SETBP1: variants seen among roughly 807,000 people sequenced by gnomAD.
The protein encoded by SETBP1 is SET-binding protein.
In SETBP1, 9 loss-of-function variants were observed where a neutral mutation model predicts 101.0. The ratio of observed to expected loss-of-function variants is 0.09; its 90% CI spans 0.05 to 0.16. The LOEUF (loss-of-function observed/expected upper bound fraction) is 0.16, where lower values mean the gene tolerates loss of function less well. SETBP1 is among the 10% of genes least tolerant of loss of function. SETBP1 has a pLI of 1.00. For synonymous variants in SETBP1, 818 were observed against 788.5 expected, an observed-to-expected ratio of 1.04 and a Z score of -0.63; for missense variants, 1,858 against 2,033.8, an observed-to-expected ratio of 0.91 and a Z score of 1.66.
intron 3 of SETBP1, among the ~76,000 whole-genome samples, chr18:44,921,014 A>G (rs1211629632): frequency 1.3e-5 from 2 of 152,214 alleles, no homozygotes; most frequent in East Asian, 3.8e-4. Flanking sequence ...TTCAGTCTTT[A>G]TCATTAACTA....
At chr18:44,777,872 A>G (rs1212445605) in intron 2 of SETBP1, among the ~76,000 whole-genome samples, 1 of 152,224 alleles carries the variant, frequency 6.6e-6, no homozygotes, top group Admixed American at 6.5e-5. Flanking sequence ...TGTCTATTGG[A>G]TCAGAATGGC....
intron 2 of SETBP1, among the ~76,000 whole-genome samples, chr18:44,845,113 C>T (rs969902260): frequency 6.6e-6 from 1 of 152,116 alleles, no homozygotes; most frequent in Admixed American, 6.5e-5. Flanking sequence ...CCAGAGTTCT[C>T]TTGCAGTAAT....
rs561861792 is a variant in SETBP1 at position 44,740,677 on chromosome 18, A to G, written c.486+38845A>G. Among the ~76,000 whole-genome samples the G allele has an allele frequency of 2.6e-5, 4 of 152,330 alleles. No individual in the cohort carries two copies. The South Asian group carries it at 6.2e-4, about 24-fold the overall frequency. On this transcript the variant is annotated intron_variant, in intron 2 of 5. Coordinates refer to ENST00000649279, the MANE Select transcript of SETBP1 (RefSeq NM_015559.3). ...CTGCCTTTTGCTTTGAATCACAAAT[A>G]CTGTGCATTAATTGGAGTTTATTTG... is the stretch of plus-strand genomic sequence containing the variant.
At position 44,824,974 on chromosome 18, in the gene SETBP1, C is replaced by T. The variant is rs996106527; in HGVS notation, c.487-44256C>T. 3.9e-5 allele frequency among the ~76,000 whole-genome samples: 6 copies of T among 152,366 alleles called. No homozygotes were observed. The East Asian group carries it at 1.2e-3, about 29-fold the overall frequency. ...TCTTACTTGGAGTAGCTGCTTCCCACCTCTGCTCCCGGTAGAGTGGAGTGC... is the reference window on the plus strand; with the variant it reads ...TCTTACTTGGAGTAGCTGCTTCCCATCTCTGCTCCCGGTAGAGTGGAGTGC... On this transcript the variant is annotated intron_variant, in intron 2 of 5. Transcript: ENST00000649279.
intron 3 of SETBP1, among the ~76,000 whole-genome samples, chr18:44,894,396 A>AAG (rs1335652205): frequency 9.2e-5 from 14 of 151,824 alleles, no homozygotes; most frequent in Non-Finnish European, 1.8e-4. Flanking sequence ...TCTTACTTGG[A>AAG]TCATTTTTTT....
At chr18:44,700,659 AAG>A (rs1194323613) in intron 1 of SETBP1, among the ~76,000 whole-genome samples, 1 of 152,208 alleles carries the variant, frequency 6.6e-6, no homozygotes, top group East Asian at 1.9e-4. Flanking sequence ...TAAAATGGTT[AAG>A]AGATAGGCTG....
intron 4 of SETBP1, among the ~76,000 whole-genome samples, chr18:44,955,081 G>GA (rs547565441): frequency 1.5e-3 from 232 of 152,300 alleles, no homozygotes; most frequent in African/African-American, 5.4e-3. Flanking sequence ...AAAACCAGAC[G>GA]TTGTTGCATG....
At chr18:44,719,775 C>A (rs1421358362) in intron 2 of SETBP1, among the ~76,000 whole-genome samples, 1 of 152,198 alleles carries the variant, frequency 6.6e-6, no homozygotes, top group Non-Finnish European at 1.5e-5. Flanking sequence ...ATTGCAGGAG[C>A]AGCAGTGGCC....
intron 2 of SETBP1, among the ~76,000 whole-genome samples, chr18:44,863,926 A>T (rs1279514956): frequency 6.6e-6 from 1 of 152,108 alleles, no homozygotes; most frequent in African/African-American, 2.4e-5. Context: ...TTCTGGCCAG[A>T]TGTTCAGCAT....
At chr18:44,850,626 C>T (rs1373505666) in intron 2 of SETBP1, among the ~76,000 whole-genome samples, 9 of 152,098 alleles carry the variant, frequency 5.9e-5, no homozygotes, top group African/African-American at 1.7e-4. Flanking sequence ...CTGCCTCAGC[C>T]TCCCAAAGTG....
rs1489826808 is a variant in SETBP1 at position 44,861,113 on chromosome 18, A to T, written c.487-8117A>T. Among the ~76,000 whole-genome samples, 3 of 151,730 alleles carry T rather than the reference A, an allele frequency of 2.0e-5. No homozygotes were observed. In the East Asian group the frequency reaches 5.8e-4, roughly 29 times the overall value. ...AATAAAGAGGGGTTAAGAGCCTGGA[A>T]CTCCCACCTCAGTGCCTCTCACTCA... On this transcript the variant is annotated intron_variant, in intron 2 of 5. Transcript: ENST00000649279.
intron 3 of SETBP1, among the ~76,000 whole-genome samples, chr18:44,888,175 G>C (rs1206452262): frequency 1.3e-5 from 2 of 152,068 alleles, no homozygotes; most frequent in Non-Finnish European, 2.9e-5. Context: ...GGTTCCCAGT[G>C]AGTCAACTTG....
intron 1 of SETBP1, among the ~76,000 whole-genome samples, chr18:44,681,649 A>G (rs1289067481): frequency 2.0e-5 from 3 of 151,608 alleles, no homozygotes; most frequent in Non-Finnish European, 4.4e-5. Flanking sequence ...GCAATTGGAA[A>G]TAGATGAGGC....
intron 2 of SETBP1, among the ~76,000 whole-genome samples, chr18:44,866,482 A>G (rs627840): frequency 0.88 from 133,631 of 152,286 alleles, 58,794 homozygotes; most frequent in African/African-American, 0.93. Flanking sequence ...TTCTCAACAC[A>G]TTGAGATATG....
chr18:44,839,324 C>T (rs1208320337), intron 2 of SETBP1, among the ~76,000 whole-genome samples: 1 of 152,180 alleles, frequency 6.6e-6, no homozygotes, highest in Non-Finnish European at 1.5e-5. Context: ...TTCTCCACTT[C>T]CGTCACCCCG....
chr18:44,787,861 A>AAAAAAAAAAAAAAAATAAAAAT (rs2071275605), intron 2 of SETBP1, among the ~76,000 whole-genome samples: 1 of 70,820 alleles, frequency 1.4e-5, no homozygotes, highest in Admixed American at 2.0e-4. Flanking sequence ...AGTCCGTCTC[A>AAAAAAAAAAAAAAAATAAAAAT]AAAAAAAAAA....
chr18:44,901,416 G>A (rs765788690), intron 3 of SETBP1, among the ~76,000 whole-genome samples: 20 of 152,166 alleles, frequency 1.3e-4, no homozygotes, highest in Admixed American at 3.3e-4. Flanking sequence ...AATGAATTCC[G>A]TCTTTTTGTG....
intron 3 of SETBP1, among the ~76,000 whole-genome samples, chr18:44,896,500 A>G (rs565176481): frequency 6.6e-6 from 1 of 151,914 alleles, no homozygotes; most frequent in South Asian, 2.1e-4. Context: ...TCTACATCCA[A>G]GTTTTTTTGT....
intron 2 of SETBP1, among the ~76,000 whole-genome samples, chr18:44,802,261 TA>T (rs1234992688): frequency 6.6e-6 from 1 of 152,162 alleles, no homozygotes; most frequent in Non-Finnish European, 1.5e-5. Context: ...TCACCTTTCC[TA>T]GTCTGGTTTC....
Sources: allele counts gnomAD v4.1 joint callset (sites outside exome capture counted in the v4.1 genomes callset), GRCh38; gene constraint gnomAD v4.1.1; transcripts MANE v1.5; gene names NCBI Gene and HGNC (gene_info 2026-07-23, HGNC 2026-07-21).